PPP3CA: variants seen among roughly 807,000 people sequenced by gnomAD.
PPP3CA encodes the protein CAM-PRP catalytic subunit.
A neutral mutation model predicts 66.5 loss-of-function variants in PPP3CA; 14 were observed. The ratio of observed to expected loss-of-function variants is 0.21; its 90% CI spans 0.14 to 0.33. The LOEUF is 0.33. Ranked by LOEUF, PPP3CA falls within the 10% of genes least tolerant of loss-of-function variation. PPP3CA has a pLI of 1.00. For missense variants in PPP3CA, 317 were observed against 639.5 expected (o/e 0.50, Z 5.44); for synonymous variants, 232 against 226.2 (o/e 1.03, Z -0.23).
chr4:101,066,825 T>G (rs929370700), intron 8 of PPP3CA, among the ~76,000 whole-genome samples: 18 of 152,094 alleles, frequency 1.2e-4, no homozygotes, highest in Admixed American at 2.0e-4. Context: ...ACTGGAGCCC[T>G]AACAGTGCGC....
chr4:101,330,217 A>G (rs537631738), intron 1 of PPP3CA: 9 of 417,308 alleles, frequency 2.2e-5, no homozygotes, highest in African/African-American at 1.5e-4. Flanking sequence ...GAGTAACTGC[A>G]TATGTGGTAG....
intron 2 of PPP3CA, among the ~76,000 whole-genome samples, chr4:101,136,402 A>C (rs1578483166): frequency 6.6e-6 from 1 of 152,058 alleles, no homozygotes; most frequent in Admixed American, 6.5e-5. Context: ...TTAGCTGGAC[A>C]TGGTGGCATG....
intron 10 of PPP3CA, among the ~76,000 whole-genome samples, chr4:101,048,608 A>G (rs1361612913): frequency 6.6e-6 from 1 of 151,942 alleles, no homozygotes; most frequent in Non-Finnish European, 1.5e-5. Flanking sequence ...AGTGAAAAAA[A>G]TCCTGGTAAA....
chr4:101,117,432 C>T (rs1469534850), intron 2 of PPP3CA, among the ~76,000 whole-genome samples: 5 of 41,798 alleles, frequency 1.2e-4, no homozygotes, highest in Non-Finnish European at 1.8e-4. Context: ...TGAGTGTTCT[C>T]ACCACTGAGA....
chr4:101,319,081 ATAT>A (rs1433065764), intron 1 of PPP3CA, among the ~76,000 whole-genome samples: 1 of 151,962 alleles, frequency 6.6e-6, no homozygotes, highest in African/African-American at 2.4e-5. Context: ...ATGAAGACAA[ATAT>A]TATTTTAAAA....
intron 8 of PPP3CA, among the ~76,000 whole-genome samples, chr4:101,068,541 T>C (rs971470071): frequency 1.3e-5 from 2 of 152,090 alleles, no homozygotes. Flanking sequence ...TAAAGATTAC[T>C]TTTTGGGGGT....
At chr4:101,257,749 AT>A (rs1726890396) in intron 1 of PPP3CA, among the ~76,000 whole-genome samples, 1 of 152,074 alleles carries the variant, frequency 6.6e-6, no homozygotes, top group Non-Finnish European at 1.5e-5. Context: ...CTATTTGTTT[AT>A]TTTTAGCCCA....
In PPP3CA at chr4:101,067,551, A is replaced by C. The variant is rs1337485699; in HGVS notation, c.956-4194T>G. Among the ~76,000 whole-genome samples, 2 of 151,432 alleles carry C rather than the reference A, an allele frequency of 1.3e-5. 1 individual carries two copies. The highest frequency in any genetic ancestry group is 4.2e-4 in the South Asian group (2 of 4,794). ...AAATTTTGATGAGACAAAAAAAAAA[A>C]CAACTAGTATTTCATAAGAACATGA... On this transcript the variant is annotated intron_variant, in intron 8 of 13. Transcript: ENST00000394854.
rs1726250241 is a variant in PPP3CA, at chr4:101,240,009, G to A, written c.59-43893C>T. ...GTTTAAAATAAAAAGAGCCTACAGT[G>A]ACTAGTTTTTAATTTTTTTGGTTTT... On this transcript the variant is annotated intron_variant, in intron 1 of 13. Coordinates refer to ENST00000394854, the MANE Select transcript of PPP3CA (RefSeq NM_000944.5). 7.8e-5 allele frequency among the ~76,000 whole-genome samples: 11 copies of A among 140,462 alleles called. No individual in the cohort carries two copies. In the South Asian group the frequency reaches 2.5e-3, roughly 32 times the overall value. 92.1% of individuals were successfully genotyped at this position (140,462 alleles called of 152,430 possible). A position where few individuals can be genotyped will look rare whatever the true frequency, so the allele number is the denominator to read the frequency against.
At chr4:101,320,449 C>T (rs1424032112) in intron 1 of PPP3CA, among the ~76,000 whole-genome samples, 3 of 145,766 alleles carry the variant, frequency 2.1e-5, no homozygotes, top group Non-Finnish European at 3.0e-5. Context: ...CACAAAACCA[C>T]TCATATGTAT....
chr4:101,286,540 A>T (rs1008652876), intron 1 of PPP3CA, among the ~76,000 whole-genome samples: 1 of 152,214 alleles, frequency 6.6e-6, no homozygotes, highest in African/African-American at 2.4e-5. Flanking sequence ...GAAGTTATGA[A>T]GTTAATTACG....
chr4:101,207,571 G>C (rs1334241733), intron 1 of PPP3CA, among the ~76,000 whole-genome samples: 1 of 152,192 alleles, frequency 6.6e-6, no homozygotes, highest in Admixed American at 6.5e-5. Flanking sequence ...TCGAATACCT[G>C]TAATCCCAGC....
At chr4:101,324,880 A>G (rs910701775) in intron 1 of PPP3CA, among the ~76,000 whole-genome samples, 3 of 152,212 alleles carry the variant, frequency 2.0e-5, no homozygotes, top group Non-Finnish European at 4.4e-5. Context: ...ATTTGGCATC[A>G]TTTTCAATAT....
chr4:101,342,944 A>G (rs1729863246), intron 1 of PPP3CA, among the ~76,000 whole-genome samples: 1 of 152,156 alleles, frequency 6.6e-6, no homozygotes, highest in Admixed American at 6.5e-5. Context: ...TCTTGCTTCT[A>G]TGATCTTAGC....
intron 10 of PPP3CA, among the ~76,000 whole-genome samples, chr4:101,041,289 T>C (rs911679897): frequency 2.6e-5 from 4 of 152,214 alleles, no homozygotes; most frequent in Non-Finnish European, 5.9e-5. Flanking sequence ...AAAAAATTAA[T>C]TACATAGATT....
intron 1 of PPP3CA, among the ~76,000 whole-genome samples, chr4:101,216,333 G>A (rs1451608278): frequency 2.0e-5 from 3 of 152,062 alleles, no homozygotes; most frequent in African/African-American, 4.8e-5. Context: ...TAAGGAACTA[G>A]TGGTGATAAC....
chr4:101,090,215 T>A (rs1011537597), intron 6 of PPP3CA, among the ~76,000 whole-genome samples: 57 of 152,184 alleles, frequency 3.7e-4, no homozygotes, highest in African/African-American at 1.3e-3. Context: ...GAAACATTTT[T>A]CTCCTCCTTA....
chr4:101,328,376 A>C (rs17031168), intron 1 of PPP3CA, among the ~76,000 whole-genome samples: 15,789 of 152,226 alleles, frequency 0.1, 2,793 homozygotes, highest in African/African-American at 0.36. Context: ...AACATTCATC[A>C]TAGTACAAGA....
intron 1 of PPP3CA, among the ~76,000 whole-genome samples, chr4:101,278,822 AC>A (rs1168516368): frequency 1.3e-5 from 2 of 151,856 alleles, no homozygotes; most frequent in Non-Finnish European, 2.9e-5. Flanking sequence ...TTAAACAATC[AC>A]CCCCGTGGAC....
Sources: allele counts gnomAD v4.1 joint callset (sites outside exome capture counted in the v4.1 genomes callset), GRCh38; gene constraint gnomAD v4.1.1; transcripts MANE v1.5; gene names NCBI Gene and HGNC (gene_info 2026-07-23, HGNC 2026-07-21).